Variants in FBXW10B observed in about 807,000 individuals in gnomAD.
The protein encoded by FBXW10B is F-box and WD repeat domain containing 10B, also known as F-box and WD repeat domain containing protein 10B.
At chr17:15,590,543 T>C in the FBXW10B span, among the ~76,000 whole-genome samples, 4 of 147,854 alleles carry the variant, frequency 2.7e-5, no homozygotes, top group African/African-American at 1.0e-4. Context: ...TCCTGGTTTA[T>C]AGTTGACCTT....
the FBXW10B span, among the ~76,000 whole-genome samples, chr17:15,577,171 T>C: frequency 6.6e-6 from 1 of 151,606 alleles, no homozygotes; most frequent in South Asian, 2.1e-4. Flanking sequence ...TAGAAATTTC[T>C]TTTTTTTTAG....
At chr17:15,602,479 CTG>C in the FBXW10B span, among the ~76,000 whole-genome samples, 9 of 151,352 alleles carry the variant, frequency 5.9e-5, no homozygotes, top group African/African-American at 2.2e-4. Flanking sequence ...AAAGATAAAA[CTG>C]TAATGTTGAT....
the FBXW10B span, among the ~76,000 whole-genome samples, chr17:15,602,916 C>T: frequency 1.7e-5 from 2 of 117,320 alleles, no homozygotes; most frequent in Non-Finnish European, 3.3e-5. Flanking sequence ...CGTGAGCCAC[C>T]GCGCCCGGCG....
chr17:15,603,944 G>T, the FBXW10B span, among the ~76,000 whole-genome samples: 3 of 141,638 alleles, frequency 2.1e-5, no homozygotes, highest in African/African-American at 7.9e-5. Flanking sequence ...GCCTGGTGTG[G>T]TGGCGGGCCC....
the FBXW10B span, among the ~76,000 whole-genome samples, chr17:15,602,687 C>T: frequency 1.4e-4 from 13 of 95,716 alleles, 2 homozygotes; most frequent in Non-Finnish European, 1.8e-4. Flanking sequence ...AGTGCAGTGG[C>T]GCAATCTCGG....
chr17:15,567,144 C>G, the FBXW10B span, among the ~76,000 whole-genome samples: 2 of 151,546 alleles, frequency 1.3e-5, no homozygotes, highest in Non-Finnish European at 2.9e-5. Flanking sequence ...TGGTGGCAGG[C>G]GCCTGTAATC....
the FBXW10B span, among the ~76,000 whole-genome samples, chr17:15,577,142 C>A: frequency 6.6e-6 from 1 of 151,412 alleles, no homozygotes; most frequent in Admixed American, 6.6e-5. Context: ...GTAATAAGAA[C>A]ATAAACATTT....
the FBXW10B span, among the ~76,000 whole-genome samples, chr17:15,567,267 A>G: frequency 8.5e-6 from 1 of 117,820 alleles, no homozygotes; most frequent in Non-Finnish European, 2.1e-5. Context: ...GCGAGACTCC[A>G]TCTCAAAAAA....
chr17:15,607,576 G>A, the FBXW10B span: 56 of 1,612,980 alleles, frequency 3.5e-5, no homozygotes, highest in East Asian at 1.2e-3. Flanking sequence ...GTACCTACGT[G>A]TCAGAGAGAA....
At chr17:15,597,301 A>AGAGG in the FBXW10B span, among the ~76,000 whole-genome samples, 2 of 139,082 alleles carry the variant, frequency 1.4e-5, no homozygotes, top group African/African-American at 5.8e-5. Context: ...TGGGGATGAG[A>AGAGG]GTGGGTGGGT....
At chr17:15,571,360 C>G in the FBXW10B span, 1 of 150,076 alleles carries the variant, frequency 6.7e-6, no homozygotes, top group African/African-American at 2.4e-5. Flanking sequence ...AAAAAAAGTG[C>G]GTAAAAGATT....
chr17:15,599,144 C>T, the FBXW10B span, among the ~76,000 whole-genome samples: 16 of 138,302 alleles, frequency 1.2e-4, no homozygotes, highest in East Asian at 3.6e-3. Context: ...CACTGCACTC[C>T]AGCTTGCCAA....
the FBXW10B span, among the ~76,000 whole-genome samples, chr17:15,592,088 T>C: frequency 1.3e-5 from 2 of 152,152 alleles, no homozygotes; most frequent in Non-Finnish European, 2.9e-5. Context: ...AAATACTCTA[T>C]ACAGGTTTCC....
chr17:15,598,668 C>T, the FBXW10B span: 2 of 1,607,124 alleles, frequency 1.2e-6, no homozygotes, highest in Non-Finnish European at 8.5e-7. Flanking sequence ...AGGAATCAGG[C>T]CAAAAGAATG....
chr17:15,615,644 C>T, the FBXW10B span: 1 of 1,613,794 alleles, frequency 6.2e-7, no homozygotes, highest in East Asian at 2.2e-5. Context: ...AGTTCACTTA[C>T]CAGGGTTAGA....
At chr17:15,613,722 G>A in the FBXW10B span, 3 of 1,612,526 alleles carry the variant, frequency 1.9e-6, no homozygotes, top group Admixed American at 5.0e-5. Context: ...CACTTGTTCA[G>A]GGTGTGTCTA....
chr17:15,602,275 T>G, the FBXW10B span, among the ~76,000 whole-genome samples: 60 of 152,178 alleles, frequency 3.9e-4, 1 homozygote, highest in Non-Finnish European at 2.9e-5. Context: ...CTCAGGGACA[T>G]TCTCATGCAC....
chr17:15,601,026 G>A, the FBXW10B span, among the ~76,000 whole-genome samples: 1 of 101,282 alleles, frequency 9.9e-6, no homozygotes, highest in African/African-American at 4.0e-5. Flanking sequence ...ACTCCAGCCT[G>A]GCAACAGAGC....
At chr17:15,600,877 G>A in the FBXW10B span, among the ~76,000 whole-genome samples, 11 of 145,460 alleles carry the variant, frequency 7.6e-5, no homozygotes, top group Admixed American at 5.6e-4. Flanking sequence ...GTGAAACCTC[G>A]TCTCTACTAA....
Sources: allele counts gnomAD v4.1 joint callset (sites outside exome capture counted in the v4.1 genomes callset), GRCh38; gene constraint gnomAD v4.1.1; transcripts MANE v1.5; gene names NCBI Gene and HGNC (gene_info 2026-07-23, HGNC 2026-07-21).